The following CD200R1 variants were observed in gnomAD, a reference collection of about 807,000 sequenced individuals.
The protein encoded by CD200R1 is CD200 receptor 1.
In CD200R1, 30 loss-of-function variants were observed where a neutral mutation model predicts 38.1. The observed-to-expected ratio is 0.79, with a 90% CI of 0.59 to 1.07. The LOEUF (loss-of-function observed/expected upper bound fraction) is 1.07, where lower values mean the gene tolerates loss of function less well. Ranked by LOEUF, CD200R1 falls within the 50% of genes least tolerant of loss-of-function variation. The pLI, the probability that CD200R1 is intolerant of heterozygous loss-of-function variation, is 0.00. For synonymous variants in CD200R1, 128 were observed against 152.1 expected, an observed-to-expected ratio of 0.84 and a Z score of 1.16; for missense variants, 372 against 415.4, an observed-to-expected ratio of 0.90 and a Z score of 0.91.
chr3:112,970,554 T>C (rs1933278623), intron 1 of CD200R1, among the ~76,000 whole-genome samples: 1 of 152,194 alleles, frequency 6.6e-6, no homozygotes, highest in South Asian at 2.1e-4. Flanking sequence ...ATGTGAGTGA[T>C]AATAAGGCAG....
intron 5 of CD200R1, among the ~76,000 whole-genome samples, chr3:112,927,249 C>T (rs1940301218): frequency 2.0e-5 from 3 of 152,092 alleles, no homozygotes; most frequent in Non-Finnish European, 2.9e-5. Flanking sequence ...CTCACATGCA[C>T]ACTCACACAC....
chr3:112,925,155 A>G lies in CD200R1; in HGVS notation c.808T>C (p.Tyr270His). Residue 270 changes from tyrosine (Y) to histidine (H), a missense_variant, in exon 6 of 8, where the codon TAT (tyrosine) becomes CAT (histidine). Tyr to His is a moderately conservative substitution (Grantham distance 83). Transcript: ENST00000308611. ...AAAATAATAATAGTAAGGATGATAT[A>G]TGGAATATATAATTTTGCTGATTTT... ...AKKSAKLYIP[Y>H]IILTIIILTI... is the part of the protein sequence containing the mutation. 2 of 1,606,470 alleles carry G rather than the reference A, an allele frequency of 1.2e-6. No homozygotes were observed. Among genetic ancestry groups the G allele is most frequent in the Non-Finnish European group, 1.7e-6 (2 of 1,174,388 alleles).
In CD200R1 at chr3:112,931,130, T is replaced by A; in HGVS notation, c.178A>T (p.Asn60Tyr). ...CCTTCTGCGAGTACTTTCGAGTAGT[T>A]CTGTGTAATCTGTTTTTCATCCATA... ...LCMDEKQITQ[N>Y]YSKVLAEVNT... Residue 60 changes from asparagine to tyrosine, a missense_variant, in exon 3 of 8, where the codon AAC becomes TAC. Physicochemically the swap from Asn to Tyr is moderately radical, Grantham distance 143. Transcript: ENST00000308611. The A allele has an allele frequency of 6.2e-7, 1 of 1,610,822 alleles. No homozygotes were observed. The highest frequency in any genetic ancestry group is 8.5e-7 in the Non-Finnish European group (1 of 1,176,960).
chr3:112,928,256 C>G (rs1415160990), intron 5 of CD200R1, among the ~76,000 whole-genome samples: 1 of 152,018 alleles, frequency 6.6e-6, no homozygotes, highest in Admixed American at 6.6e-5. Context: ...TTTCAGGAAG[C>G]CTTACAGAAC....
At chr3:112,971,740 A>C (rs550920418) in intron 1 of CD200R1, among the ~76,000 whole-genome samples, 1 of 152,260 alleles carries the variant, frequency 6.6e-6, no homozygotes, top group East Asian at 1.9e-4. Context: ...AAGGACCCCC[A>C]AAATCCAGCC....
intron 5 of CD200R1, among the ~76,000 whole-genome samples, chr3:112,928,302 G>A (rs1286934142): frequency 2.0e-5 from 3 of 152,124 alleles, no homozygotes; most frequent in Non-Finnish European, 4.4e-5. Flanking sequence ...ATATTTAATA[G>A]TTTTTAAATA....
chr3:112,965,903 G>C (rs1397438256), intron 1 of CD200R1, among the ~76,000 whole-genome samples: 1 of 152,184 alleles, frequency 6.6e-6, no homozygotes, highest in African/African-American at 2.4e-5. Context: ...GAGACAAAAA[G>C]CAGGTTTGCT....
At chr3:112,924,932 A>G (rs1940248049) in intron 6 of CD200R1, among the ~76,000 whole-genome samples, 153 bp downstream of exon 6, 1 of 152,082 alleles carries the variant, frequency 6.6e-6, no homozygotes, top group Admixed American at 6.6e-5. Flanking sequence ...CTCATCATTC[A>G]AAGTAGTCCA....
intron 2 of CD200R1, among the ~76,000 whole-genome samples, chr3:112,935,849 G>C (rs940078967): frequency 8.5e-5 from 13 of 152,114 alleles, no homozygotes; most frequent in Admixed American, 8.5e-4. Flanking sequence ...AGGTTTATTA[G>C]GTAAATGTAT....
intron 1 of CD200R1, among the ~76,000 whole-genome samples, chr3:112,971,330 A>T (rs1254425808): frequency 6.6e-6 from 1 of 152,110 alleles, no homozygotes; most frequent in Non-Finnish European, 1.5e-5. Context: ...GAAATCATCT[A>T]TTTTTTCCCT....
intron 1 of CD200R1, among the ~76,000 whole-genome samples, chr3:112,954,137 T>C (rs1941033408): frequency 6.6e-6 from 1 of 152,158 alleles, no homozygotes; most frequent in African/African-American, 2.4e-5. Flanking sequence ...TCCATTTTCA[T>C]TTGTCTCAAG....
chr3:112,943,553 C>T (rs551761872), intron 2 of CD200R1, among the ~76,000 whole-genome samples: 1 of 151,756 alleles, frequency 6.6e-6, no homozygotes, highest in South Asian at 2.1e-4. Flanking sequence ...ATCACCCAGA[C>T]TCCAACTTTA....
At chr3:112,949,805 T>C (rs1385567414) in intron 1 of CD200R1, among the ~76,000 whole-genome samples, 1 of 152,214 alleles carries the variant, frequency 6.6e-6, no homozygotes, top group East Asian at 1.9e-4. Context: ...CAAAGGCATC[T>C]GGACACAGAC....
chr3:112,970,847 C>T (rs1213249781), intron 1 of CD200R1, among the ~76,000 whole-genome samples: 1 of 152,144 alleles, frequency 6.6e-6, no homozygotes, highest in African/African-American at 2.4e-5. Context: ...GTATCTCCTC[C>T]TACATGAGGT....
chr3:112,924,863 C>A (rs949676600), intron 6 of CD200R1, among the ~76,000 whole-genome samples: 9 of 152,046 alleles, frequency 5.9e-5, no homozygotes, highest in African/African-American at 2.2e-4. Flanking sequence ...TCCCAAGATC[C>A]TACCCTAAAT....
chr3:112,928,073 T>C (rs1940322736), intron 5 of CD200R1, among the ~76,000 whole-genome samples: 1 of 152,166 alleles, frequency 6.6e-6, no homozygotes. Flanking sequence ...CCATAAGAAG[T>C]TGTGATTACA....
intron 2 of CD200R1, among the ~76,000 whole-genome samples, chr3:112,945,640 T>C (rs1940831475): frequency 6.6e-6 from 1 of 152,148 alleles, no homozygotes; most frequent in Non-Finnish European, 1.5e-5. Context: ...AAATGATCTT[T>C]GGTTTGGCAG....
chr3:112,969,381 A>T (rs111702556), intron 1 of CD200R1, among the ~76,000 whole-genome samples: 19 of 152,310 alleles, frequency 1.2e-4, no homozygotes, highest in African/African-American at 3.8e-4. Flanking sequence ...AATAACAGAA[A>T]TTATTCAGGA....
chr3:112,944,389 T>C (rs1427892913), intron 2 of CD200R1, among the ~76,000 whole-genome samples: 1 of 151,936 alleles, frequency 6.6e-6, no homozygotes, highest in Admixed American at 6.6e-5. Context: ...AATAATATGA[T>C]CATTTCCATA....
Sources: gnomAD v4.1 joint callset for allele counts (sites outside exome capture counted in the v4.1 genomes callset) on GRCh38, gnomAD v4.1.1 for gene constraint, MANE v1.5 for transcripts, NCBI Gene and HGNC (gene_info 2026-07-23, HGNC 2026-07-21) for gene names.